SLC8A1: variants seen among roughly 807,000 people sequenced by gnomAD.
SLC8A1 encodes sodium/calcium exchanger 1.
Under a neutral mutation model 68.3 loss-of-function variants are expected in SLC8A1, and 18 were observed. That is an observed-to-expected ratio of 0.26 (90% CI 0.18 to 0.39). The LOEUF is 0.39. Among genes scored for constraint, SLC8A1 ranks in the 10% least tolerant of loss-of-function variants. SLC8A1 has a pLI of 1.00. For missense variants in SLC8A1, 985 were observed against 1,156.7 expected, an observed-to-expected ratio of 0.85 and a Z score of 2.15; for synonymous variants, 475 against 415.5, an observed-to-expected ratio of 1.14 and a Z score of -1.74.
At chr2:40,391,111 T>C (rs1408106543) in intron 2 of SLC8A1, among the ~76,000 whole-genome samples, 2 of 151,256 alleles carry the variant, frequency 1.3e-5, no homozygotes, top group African/African-American at 4.8e-5. Context: ...TCTCTACTAA[T>C]CCTTCCTGTT....
intron 2 of SLC8A1, among the ~76,000 whole-genome samples, chr2:40,279,607 C>T (rs141067418): frequency 9.9e-5 from 15 of 152,140 alleles, no homozygotes; most frequent in African/African-American, 3.6e-4. Context: ...TTCGGAGATG[C>T]TATATTTGAT....
chr2:40,308,635 TTC>T (rs1393507473), intron 2 of SLC8A1, among the ~76,000 whole-genome samples: 1 of 127,998 alleles, frequency 7.8e-6, no homozygotes, highest in African/African-American at 3.6e-5. Context: ...CAGAAGGAAT[TTC>T]TCTGTTGGAA....
chr2:40,189,384 A>C (rs188307488), intron 2 of SLC8A1, among the ~76,000 whole-genome samples: 89 of 152,296 alleles, frequency 5.8e-4, no homozygotes, highest in African/African-American at 2.0e-3. Context: ...GCAGTGGTGC[A>C]ATCTCGGCTC....
rs1024916423 is a variant in SLC8A1, at chr2:40,215,364, G to A, written c.1809-37509C>T. Reference sequence around the variant, plus strand: ...AAAAAATGTTATGTAGAGGCCGGGCGCAGTGGCTCACGCCTGTAATCCCAG... The same window carrying A: ...AAAAAATGTTATGTAGAGGCCGGGCACAGTGGCTCACGCCTGTAATCCCAG... On this transcript the variant is annotated intron_variant, in intron 2 of 7. Transcript: ENST00000406785. Among the ~76,000 whole-genome samples, 9 of 152,126 alleles carry A rather than the reference G, an allele frequency of 5.9e-5. No homozygotes were observed. The Middle Eastern group carries it at 0.017, about 287-fold the overall frequency.
chr2:40,477,902 G>A (rs1335034674), intron 1 of SLC8A1, among the ~76,000 whole-genome samples: 1 of 152,094 alleles, frequency 6.6e-6, no homozygotes, highest in Non-Finnish European at 1.5e-5. Flanking sequence ...CTTTTTAGGA[G>A]CTATTTGGAC....
chr2:40,233,902 G>A (rs1045360319), intron 2 of SLC8A1, among the ~76,000 whole-genome samples: 1 of 151,668 alleles, frequency 6.6e-6, no homozygotes, highest in African/African-American at 2.4e-5. Flanking sequence ...AGATCAGATA[G>A]TTGTAGATAT....
chr2:40,496,840 C>T (rs913056254), intron 1 of SLC8A1, among the ~76,000 whole-genome samples: 5 of 147,186 alleles, frequency 3.4e-5, no homozygotes, highest in South Asian at 2.1e-4. Context: ...AACCAAACAC[C>T]GCATATTCTC....
chr2:40,197,589 T>G (rs1220652762), intron 2 of SLC8A1, among the ~76,000 whole-genome samples: 2 of 151,996 alleles, frequency 1.3e-5, no homozygotes, highest in African/African-American at 4.8e-5. Context: ...TACCCACTTC[T>G]GGCTTGCATC....
chr2:40,285,553 A>G (rs948038339), intron 2 of SLC8A1, among the ~76,000 whole-genome samples: 1 of 152,168 alleles, frequency 6.6e-6, no homozygotes, highest in Non-Finnish European at 1.5e-5. Flanking sequence ...ATCCAAGTCT[A>G]TAACAATGGT....
At chr2:40,154,250 A>T (rs2043984069) in intron 6 of SLC8A1, among the ~76,000 whole-genome samples, 1 of 152,136 alleles carries the variant, frequency 6.6e-6, no homozygotes, top group Admixed American at 6.5e-5. Flanking sequence ...GCCAAATGGT[A>T]ACATTAAACA....
chr2:40,502,707 C>G (rs1380940132), intron 1 of SLC8A1, among the ~76,000 whole-genome samples: 3 of 151,942 alleles, frequency 2.0e-5, no homozygotes, highest in South Asian at 2.1e-4. Flanking sequence ...CATTTATTCA[C>G]TTAATTATTC....
At chr2:40,129,029 G>A (rs762288200) in intron 7 of SLC8A1, among the ~76,000 whole-genome samples, 1 of 152,142 alleles carries the variant, frequency 6.6e-6, no homozygotes, top group African/African-American at 2.4e-5. Flanking sequence ...ATCTTACTGG[G>A]GTGATGAAAT....
intron 2 of SLC8A1, among the ~76,000 whole-genome samples, chr2:40,218,617 GA>G (rs201946665): frequency 2.9e-4 from 44 of 150,432 alleles, no homozygotes; most frequent in East Asian, 9.8e-4. Context: ...AAAGCAAAGG[GA>G]AAAAAAAGGA....
At chr2:40,347,907 G>A (rs550162301) in intron 2 of SLC8A1, among the ~76,000 whole-genome samples, 6 of 152,022 alleles carry the variant, frequency 3.9e-5, no homozygotes, top group Admixed American at 2.0e-4. Flanking sequence ...AATGGCTTAC[G>A]GTCTACACAT....
chr2:40,219,288 T>C (rs1269310895), intron 2 of SLC8A1, among the ~76,000 whole-genome samples: 2 of 152,218 alleles, frequency 1.3e-5, no homozygotes, highest in Non-Finnish European at 2.9e-5. Context: ...GCTTTTTACA[T>C]GGAATTAAAA....
intron 2 of SLC8A1, among the ~76,000 whole-genome samples, chr2:40,397,514 T>C (rs772955616): frequency 3.9e-4 from 59 of 152,340 alleles, no homozygotes; most frequent in Admixed American, 2.0e-3. Context: ...CAACTGATTG[T>C]GGGTGTGAAA....
chr2:40,333,744 C>G (rs1432569276), intron 2 of SLC8A1, among the ~76,000 whole-genome samples: 1 of 151,890 alleles, frequency 6.6e-6, no homozygotes, highest in African/African-American at 2.4e-5. Context: ...AGTCAGTAAT[C>G]ATCACACAAA....
At chr2:40,501,265 G>T (rs1706044501) in intron 1 of SLC8A1, among the ~76,000 whole-genome samples, 1 of 151,106 alleles carries the variant, frequency 6.6e-6, no homozygotes, top group South Asian at 2.1e-4. Context: ...TTTCTGTATT[G>T]TTTGAGTTAT....
At chr2:40,126,478 T>A (rs574674649) in intron 7 of SLC8A1, among the ~76,000 whole-genome samples, 2 of 152,208 alleles carry the variant, frequency 1.3e-5, no homozygotes, top group Middle Eastern at 3.4e-3. Flanking sequence ...TACCATCTGC[T>A]GAGAACAGAG....
Sources: allele counts gnomAD v4.1 joint callset (sites outside exome capture counted in the v4.1 genomes callset), GRCh38; gene constraint gnomAD v4.1.1; transcripts MANE v1.5; gene names NCBI Gene and HGNC (gene_info 2026-07-23, HGNC 2026-07-21).